Variants in RBFOX1 observed in about 807,000 individuals in gnomAD.
RBFOX1 encodes the protein RNA binding fox-1 homolog 1.
Under a neutral mutation model 57.7 loss-of-function variants are expected in RBFOX1, and 8 were observed. The ratio of observed to expected loss-of-function variants is 0.14; its 90% CI spans 0.08 to 0.25. RBFOX1 has a LOEUF of 0.25. Ranked by LOEUF, RBFOX1 falls within the 10% of genes least tolerant of loss-of-function variation. RBFOX1 has a pLI of 1.00. For missense variants in RBFOX1, 611 were observed against 548.5 expected (o/e 1.11, Z -1.14); for synonymous variants, 326 against 222.4 (o/e 1.47, Z -4.15).
At chr16:6,778,909 A>G (rs971343329) in intron 3 of RBFOX1, among the ~76,000 whole-genome samples, 2 of 151,896 alleles carry the variant, frequency 1.3e-5, no homozygotes, top group African/African-American at 2.4e-5. Context: ...AGAGTTGTAC[A>G]TATTTATGGG....
chr16:5,994,946 C>T (rs1003052317), intron 4 of RBFOX1, among the ~76,000 whole-genome samples: 3 of 152,212 alleles, frequency 2.0e-5, no homozygotes, highest in East Asian at 3.9e-4. Context: ...TGACATCCAT[C>T]GATGCAGGAA....
At chr16:7,467,846 T>C (rs1163816505) in intron 4 of RBFOX1, among the ~76,000 whole-genome samples, 2 of 152,198 alleles carry the variant, frequency 1.3e-5, no homozygotes, top group African/African-American at 4.8e-5. Flanking sequence ...TCCTGAGAGC[T>C]CAATCTATAG....
chr16:5,979,344 C>G (rs1210020462), intron 4 of RBFOX1, among the ~76,000 whole-genome samples: 2 of 152,136 alleles, frequency 1.3e-5, no homozygotes, highest in East Asian at 3.9e-4. Context: ...TGTAATGTAG[C>G]CCTCTTGACA....
chr16:5,804,778 C>G (rs1490896412), intron 3 of RBFOX1, among the ~76,000 whole-genome samples: 3 of 152,188 alleles, frequency 2.0e-5, no homozygotes, highest in Non-Finnish European at 2.9e-5. Context: ...CCACGCTCAC[C>G]TCCCAGACAA....
chr16:6,124,926 G>A (rs7204410), intron 1 of RBFOX1, among the ~76,000 whole-genome samples: 62,518 of 152,028 alleles, frequency 0.41, 13,511 homozygotes, highest in South Asian at 0.57. Flanking sequence ...ATATTTCACA[G>A]TGCCTCACCA....
At chr16:5,825,435 G>A (rs1465957040) in intron 3 of RBFOX1, among the ~76,000 whole-genome samples, 3 of 152,144 alleles carry the variant, frequency 2.0e-5, no homozygotes, top group Non-Finnish European at 4.4e-5. Flanking sequence ...CCTACTATAA[G>A]GTTCGAAGGA....
intron 3 of RBFOX1, among the ~76,000 whole-genome samples, chr16:5,710,463 C>A (rs550161670): frequency 5.5e-4 from 84 of 152,310 alleles, no homozygotes; most frequent in African/African-American, 2.0e-3. Flanking sequence ...GCCGTGGCTG[C>A]TGCTGCTATG....
At chr16:6,880,455 T>A (rs1261905760) in intron 3 of RBFOX1, among the ~76,000 whole-genome samples, 2 of 152,172 alleles carry the variant, frequency 1.3e-5, no homozygotes, top group Non-Finnish European at 2.9e-5. Context: ...TCTTCCCCTG[T>A]GTTGGTCATT....
intron 3 of RBFOX1, among the ~76,000 whole-genome samples, chr16:6,788,104 C>G (rs555426789): frequency 6.6e-6 from 1 of 152,204 alleles, no homozygotes; most frequent in African/African-American, 2.4e-5. Context: ...TGCCTGTAAT[C>G]CTAGCTACTG....
At chr16:6,589,819 C>G (rs1489326151) in intron 2 of RBFOX1, among the ~76,000 whole-genome samples, 1 of 152,182 alleles carries the variant, frequency 6.6e-6, no homozygotes, top group African/African-American at 2.4e-5. Flanking sequence ...TGAACAAGGA[C>G]AGCTTGGAGG....
intron 1 of RBFOX1, among the ~76,000 whole-genome samples, chr16:6,290,001 C>G (rs1244293231): frequency 1.3e-5 from 2 of 152,120 alleles, no homozygotes; most frequent in Non-Finnish European, 2.9e-5. Flanking sequence ...GAAGAGGAAA[C>G]AAGATCATTA....
chr16:7,507,510 G>C (rs1348728438), intron 4 of RBFOX1, among the ~76,000 whole-genome samples: 1 of 151,346 alleles, frequency 6.6e-6, no homozygotes, highest in Non-Finnish European at 1.5e-5. Context: ...CAGAGATTCT[G>C]AGGCAGTAGG....
At chr16:5,838,696 A>C (rs1030316031) in intron 3 of RBFOX1, 1 of 152,302 alleles carries the variant, frequency 6.6e-6, no homozygotes, top group African/African-American at 2.4e-5. Context: ...CTTATCTGCA[A>C]AGTGGGAATT....
At chr16:7,503,533 A>G (rs528905848) in intron 4 of RBFOX1, among the ~76,000 whole-genome samples, 1 of 152,192 alleles carries the variant, frequency 6.6e-6, no homozygotes, top group South Asian at 2.1e-4. Context: ...ATGTAGTAGT[A>G]TTAGCAATGG....
chr16:7,465,403 T>C (rs1459778241), intron 4 of RBFOX1, among the ~76,000 whole-genome samples: 1 of 152,226 alleles, frequency 6.6e-6, no homozygotes, highest in Non-Finnish European at 1.5e-5. Context: ...TCTCAGTGCC[T>C]CAGCTGTACA....
At chr16:6,828,911 C>T (rs897923665) in intron 3 of RBFOX1, among the ~76,000 whole-genome samples, 1 of 152,126 alleles carries the variant, frequency 6.6e-6, no homozygotes, top group African/African-American at 2.4e-5. Context: ...CCCCAAATCC[C>T]CTTAGGCATG....
At chr16:5,684,827 G>A (rs113757992) in intron 3 of RBFOX1, among the ~76,000 whole-genome samples, 473 of 152,230 alleles carry the variant, frequency 3.1e-3, no homozygotes, top group African/African-American at 0.011. Flanking sequence ...TTGCTTGGGG[G>A]TATTTGGTTT....
At chr16:7,176,910 T>C (rs115695919) in intron 4 of RBFOX1, among the ~76,000 whole-genome samples, 3,048 of 152,266 alleles carry the variant, frequency 0.02, 105 homozygotes, top group African/African-American at 0.069. Flanking sequence ...ATATTTCCCA[T>C]TTAAATGCCT....
At chr16:5,942,158 G>C (rs1297174508) in intron 4 of RBFOX1, among the ~76,000 whole-genome samples, 1 of 152,136 alleles carries the variant, frequency 6.6e-6, no homozygotes, top group African/African-American at 2.4e-5. Flanking sequence ...AATAGAGAAA[G>C]AAGTTTAATA....
Sources: allele counts gnomAD v4.1 joint callset (sites outside exome capture counted in the v4.1 genomes callset), GRCh38; gene constraint gnomAD v4.1.1; transcripts MANE v1.5; gene names NCBI Gene and HGNC (gene_info 2026-07-23, HGNC 2026-07-21).